Variants in HDAC4 observed in about 807,000 individuals in gnomAD.
HDAC4 encodes the protein histone deacetylase 4, also known as histone deacetylase A.
HDAC4 carries 16 observed loss-of-function variants against 135.1 expected under a neutral mutation model. The observed-to-expected ratio is 0.12, with a 90% CI of 0.08 to 0.18. HDAC4 has a LOEUF of 0.18. HDAC4 is among the 10% of genes least tolerant of loss of function. HDAC4 has a pLI of 1.00. For synonymous variants in HDAC4, 685 were observed against 653.4 expected, an observed-to-expected ratio of 1.05 and a Z score of -0.74; for missense variants, 1,143 against 1,511.8, an observed-to-expected ratio of 0.76 and a Z score of 4.05.
At chr2:239,378,466 G>A (rs772605362) in intron 1 of HDAC4, among the ~76,000 whole-genome samples, 6 of 152,146 alleles carry the variant, frequency 3.9e-5, no homozygotes, top group East Asian at 1.9e-4. Flanking sequence ...CACACTGAAC[G>A]TGCACCACCC....
At chr2:239,222,707 A>G (rs1156236922) in intron 3 of HDAC4, among the ~76,000 whole-genome samples, 1 of 152,240 alleles carries the variant, frequency 6.6e-6, no homozygotes, top group Non-Finnish European at 1.5e-5. Flanking sequence ...AGACTCTACA[A>G]TTCCAATGCA....
chr2:239,059,748 G>C lies in HDAC4; in HGVS notation c.3004-4915C>G, dbSNP rs375682860. On this transcript the variant is annotated intron_variant, in intron 24 of 26. Transcript: ENST00000543185. The stretch of plus-strand genomic sequence containing the variant: ...CTGATCCTACCTCCACTCCTCCAGA[G>C]GACAGGGAGAACACTCCTAGGGAGC... 2.6e-5 allele frequency among the ~76,000 whole-genome samples: 4 copies of C among 152,174 alleles called. No homozygotes were observed. The East Asian group carries it at 5.8e-4, about 22-fold the overall frequency.
At position 239,141,046 on chromosome 2, in the gene HDAC4, T is replaced by C. The variant is rs2041340215; in HGVS notation, c.866-1250A>G. 9.7e-6 allele frequency: 3 copies of C among 310,174 alleles called. No individual in the cohort carries two copies. Among genetic ancestry groups the C allele is most frequent in the Non-Finnish European group, 2.1e-5 (3 of 141,532 alleles). 19.2% of individuals were successfully genotyped at this position (310,174 alleles called of 1,614,324 possible). The stretch of plus-strand genomic sequence containing the variant: ...TAGCTCATCCATCTCTCAGTCACTG[T>C]TTGAGGAAGGTGCCATTATGACCCC... On this transcript the variant is annotated intron_variant, in intron 8 of 26. Transcript: ENST00000543185. This position sits in a 1 kb window ranked among gnomAD's most constrained non-coding sequence, Gnocchi z 4.9.
intron 24 of HDAC4, among the ~76,000 whole-genome samples, chr2:239,066,129 G>A (rs748135425): frequency 2.0e-5 from 3 of 152,190 alleles, no homozygotes; most frequent in Non-Finnish European, 1.5e-5. Context: ...TGCAGGTGGC[G>A]CTCTCACCCC....
At chr2:239,062,469 T>A (rs755610657) in intron 24 of HDAC4, among the ~76,000 whole-genome samples, 1 of 152,242 alleles carries the variant, frequency 6.6e-6, no homozygotes, top group East Asian at 1.9e-4. Context: ...TAAAGAGACC[T>A]TGATAAAACT....
intron 2 of HDAC4, among the ~76,000 whole-genome samples, chr2:239,348,577 C>T (rs1268827254): frequency 6.6e-6 from 1 of 152,242 alleles, no homozygotes; most frequent in African/African-American, 2.4e-5. Flanking sequence ...GCTTGTCCTG[C>T]CAGCAGGCCC....
At chr2:239,137,459 G>C (rs1378419478) in intron 9 of HDAC4, among the ~76,000 whole-genome samples, 1 of 152,134 alleles carries the variant, frequency 6.6e-6, no homozygotes, top group African/African-American at 2.4e-5. Flanking sequence ...CTGGCCTGTA[G>C]AGGAGGAGGT....
At chr2:239,210,258 G>T (rs908777721) in intron 3 of HDAC4, among the ~76,000 whole-genome samples, 1 of 152,138 alleles carries the variant, frequency 6.6e-6, no homozygotes, top group South Asian at 2.1e-4. Context: ...GAAAGTGAAC[G>T]AATCCCAGCC....
chr2:239,091,839 T>C (rs1196973423), intron 17 of HDAC4: 1 of 149,454 alleles, frequency 6.7e-6, no homozygotes, highest in Admixed American at 6.7e-5. Flanking sequence ...GGTGGGCGGA[T>C]CACAAGGTCA....
chr2:239,284,771 C>A (rs1165368642), intron 2 of HDAC4, among the ~76,000 whole-genome samples: 1 of 152,204 alleles, frequency 6.6e-6, no homozygotes, highest in East Asian at 1.9e-4. Context: ...TCCTGGAGAC[C>A]AGTGTCCCGG....
chr2:239,159,851 T>C (rs3791513), intron 6 of HDAC4, among the ~76,000 whole-genome samples: 13,184 of 152,342 alleles, frequency 0.087, 620 homozygotes, highest in East Asian at 0.18. Flanking sequence ...ACACAGACGC[T>C]GGGCCAGGAG....
intron 4 of HDAC4, among the ~76,000 whole-genome samples, chr2:239,182,433 C>T (rs770683560): frequency 6.6e-6 from 1 of 152,184 alleles, no homozygotes; most frequent in African/African-American, 2.4e-5. Flanking sequence ...CTCTTTCCAC[C>T]ATCATTTCAA....
Position 239,068,360 on chromosome 2 carries a change from G to T in HDAC4, c.2869+129C>A. On this transcript the variant is annotated intron_variant, in intron 23 of 26. Coordinates refer to ENST00000543185, the MANE Select transcript of HDAC4 (RefSeq NM_001378414.1). This position sits in a 1 kb window ranked among gnomAD's most constrained non-coding sequence, Gnocchi z 4.4. ...AATGGACTGGTTCCCAGTACGGTCA[G>T]AACCTTGGTCATTAGTAAAAAGGTG... is the stretch of plus-strand genomic sequence containing the variant. 1 of 714,996 alleles carries T rather than the reference G, an allele frequency of 1.4e-6. No homozygotes were observed. Among genetic ancestry groups the T allele is most frequent in the Non-Finnish European group, 2.5e-6 (1 of 404,726 alleles). 44.3% of individuals were successfully genotyped at this position (714,996 alleles called of 1,614,324 possible).
chr2:239,106,995 G>C (rs1198611158), intron 15 of HDAC4, among the ~76,000 whole-genome samples: 1 of 151,810 alleles, frequency 6.6e-6, no homozygotes, highest in Non-Finnish European at 1.5e-5. Context: ...CCCTGGCATG[G>C]GTGGGGCCTT....
intron 1 of HDAC4, among the ~76,000 whole-genome samples, chr2:239,381,849 G>T (rs1695438811): frequency 1.3e-5 from 2 of 152,156 alleles, no homozygotes; most frequent in African/African-American, 4.8e-5. Flanking sequence ...GGGGAGGAGG[G>T]TGCAAAACCT....
chr2:239,135,032 C>T (rs1575148028), intron 9 of HDAC4, among the ~76,000 whole-genome samples: 1 of 152,250 alleles, frequency 6.6e-6, no homozygotes, highest in Admixed American at 6.5e-5. Context: ...CAATGTCTTT[C>T]CAGACATAAC....
In HDAC4 at chr2:239,240,952, C is replaced by T. The variant is rs1416257779; in HGVS notation, c.23-4288G>A. ...GGGTAGGTATGTCTAACCAGAAACC[C>T]GGCCTTCTGGAGCCAAAGGAACCTC... On this transcript the variant is annotated intron_variant, in intron 2 of 26. Coordinates refer to ENST00000543185, the MANE Select transcript of HDAC4 (RefSeq NM_001378414.1). The surrounding 1 kb of genome is among the most constrained non-coding windows in gnomAD (Gnocchi z 4.5). 6.6e-6 allele frequency among the ~76,000 whole-genome samples: 1 copy of T among 152,180 alleles called. No individual in the cohort carries two copies. Among genetic ancestry groups the T allele is most frequent in the African/African-American group, 2.4e-5 (1 of 41,432 alleles).
At chr2:239,182,098 G>T (rs1035988091) in intron 4 of HDAC4, among the ~76,000 whole-genome samples, 1 of 152,198 alleles carries the variant, frequency 6.6e-6, no homozygotes, top group Admixed American at 6.5e-5. Flanking sequence ...CCGGAGCTGT[G>T]TACACAGGGA....
Position 239,130,549 on chromosome 2 carries a change from T to C in HDAC4, c.1294+3696A>G, listed in dbSNP as rs899343475. Among the ~76,000 whole-genome samples the C allele has an allele frequency of 3.0e-5, 4 of 133,830 alleles. No homozygotes were observed. The Admixed American group carries it at 3.1e-4, about 10-fold the overall frequency. 87.8% of individuals were successfully genotyped at this position (133,830 alleles called of 152,430 possible). A position where few individuals can be genotyped will look rare whatever the true frequency, so the allele number is the denominator to read the frequency against. Reference sequence around the variant, plus strand: ...AGGCATACACATCTCCCTCCACCTGTCCTTAAGACGCTGGTGGCATGCTCT... The same window carrying C: ...AGGCATACACATCTCCCTCCACCTGCCCTTAAGACGCTGGTGGCATGCTCT... On this transcript the variant is annotated intron_variant, in intron 11 of 26. Coordinates refer to ENST00000543185, the MANE Select transcript of HDAC4 (RefSeq NM_001378414.1).
Sources: allele counts gnomAD v4.1 joint callset (sites outside exome capture counted in the v4.1 genomes callset), GRCh38; gene constraint gnomAD v4.1.1; non-coding constraint Gnocchi (gnomAD v3.1); transcripts MANE v1.5; gene names NCBI Gene and HGNC (gene_info 2026-07-23, HGNC 2026-07-21).